The following FRK variants were observed in gnomAD, a reference collection of about 807,000 sequenced individuals.
FRK encodes tyrosine-protein kinase FRK.
In FRK, 51 loss-of-function variants were observed where a neutral mutation model predicts 56.4. That is an observed-to-expected ratio of 0.90 (90% CI 0.72 to 1.14). The LOEUF (loss-of-function observed/expected upper bound fraction) is 1.14, where lower values mean the gene tolerates loss of function less well. Ranked by LOEUF, FRK falls within the 50% of genes most tolerant of loss-of-function variation. FRK has a pLI of 0.00. For synonymous variants in FRK, 245 were observed against 217.9 expected (o/e 1.12, Z -1.10); for missense variants, 570 against 601.4 (o/e 0.95, Z 0.55).
chr6:115,968,420 G>A (rs1170697336), intron 3 of FRK, among the ~76,000 whole-genome samples, 156 bp downstream of exon 3: 1 of 152,126 alleles, frequency 6.6e-6, no homozygotes, highest in African/African-American at 2.4e-5. Context: ...ACAAGCATAC[G>A]TCAGTGTGAG....
chr6:116,020,587 GCCAATATT>G (rs1775840549), intron 1 of FRK, among the ~76,000 whole-genome samples: 1 of 152,102 alleles, frequency 6.6e-6, no homozygotes, highest in Admixed American at 6.6e-5. Context: ...ACTGCACTGG[GCCAATATT>G]CCTTTTCTCA....
chr6:116,079,126 C>G, the FRK span, among the ~76,000 whole-genome samples: 1 of 152,058 alleles, frequency 6.6e-6, no homozygotes, highest in Non-Finnish European at 1.5e-5. Context: ...ATTTCTCTCT[C>G]TAGCGGTGAA....
At chr6:115,955,195 C>T (rs906483212) in intron 5 of FRK, among the ~76,000 whole-genome samples, 1 of 151,530 alleles carries the variant, frequency 6.6e-6, no homozygotes, top group African/African-American at 2.4e-5. Flanking sequence ...TGAAGGAAAT[C>T]CCATAGGTTG....
At chr6:115,958,639 GA>G (rs1554225731) in intron 4 of FRK, among the ~76,000 whole-genome samples, 2 of 4,528 alleles carry the variant, frequency 4.4e-4, no homozygotes, top group Non-Finnish European at 7.1e-4. Flanking sequence ...AAAAAGGAAA[GA>G]AAGAAAAGAA....
intron 1 of FRK, among the ~76,000 whole-genome samples, chr6:116,023,718 A>C (rs1477801855): frequency 6.6e-6 from 1 of 152,124 alleles, no homozygotes; most frequent in Non-Finnish European, 1.5e-5. Context: ...GTGCATAAGG[A>C]GGCGAGGTTT....
chr6:115,985,024 C>T (rs1774339551), intron 2 of FRK, among the ~76,000 whole-genome samples: 1 of 152,104 alleles, frequency 6.6e-6, no homozygotes, highest in South Asian at 2.1e-4. Flanking sequence ...ACTTGAAAGG[C>T]AGCATGGTGG....
intron 2 of FRK, chr6:116,002,792 A>G (rs927168069): frequency 1.6e-5 from 7 of 438,520 alleles, no homozygotes; most frequent in Middle Eastern, 6.6e-4. Context: ...ACCCTCGGCA[A>G]CACCTGCCTC....
chr6:115,986,270 C>T (rs764837444), intron 2 of FRK, among the ~76,000 whole-genome samples: 1 of 152,014 alleles, frequency 6.6e-6, no homozygotes, highest in Admixed American at 6.6e-5. Context: ...TTCTGCTCTC[C>T]GCCATGAGAA....
At chr6:115,970,125 C>T (rs1364495330) in intron 2 of FRK, among the ~76,000 whole-genome samples, 3 of 151,458 alleles carry the variant, frequency 2.0e-5, no homozygotes, top group Admixed American at 1.3e-4. Context: ...ATGCCAATAG[C>T]TAGGAATTTT....
chr6:116,091,548 C>A, the FRK span, among the ~76,000 whole-genome samples: 1 of 152,284 alleles, frequency 6.6e-6, no homozygotes, highest in East Asian at 1.9e-4. Flanking sequence ...CCGGAAGGAA[C>A]CAACTCCAGA....
chr6:116,005,405 T>C (rs1332596179), intron 1 of FRK, among the ~76,000 whole-genome samples: 3 of 152,304 alleles, frequency 2.0e-5, no homozygotes, highest in African/African-American at 7.2e-5. Flanking sequence ...TGAGCCAGGA[T>C]TGGAAAATGT....
chr6:116,099,360 C>G, the FRK span, among the ~76,000 whole-genome samples: 1 of 152,206 alleles, frequency 6.6e-6, no homozygotes, highest in African/African-American at 2.4e-5. Context: ...AGATATTCCC[C>G]AAGGAAACAT....
the FRK span, among the ~76,000 whole-genome samples, chr6:116,096,660 A>C: frequency 2.0e-5 from 3 of 151,914 alleles, no homozygotes; most frequent in African/African-American, 7.3e-5. Context: ...ACCAATCAGC[A>C]CTCTATAAAA....
intron 4 of FRK, among the ~76,000 whole-genome samples, chr6:115,958,261 A>G (rs969512917): frequency 1.6e-5 from 2 of 125,472 alleles, no homozygotes; most frequent in African/African-American, 6.0e-5. Context: ...AATATAATAT[A>G]GTGGGGAATC....
At chr6:116,096,914 G>T in the FRK span, among the ~76,000 whole-genome samples, 1 of 152,194 alleles carries the variant, frequency 6.6e-6, no homozygotes, top group Non-Finnish European at 1.5e-5. Context: ...CTTAAAGTCA[G>T]TGAGACCAAG....
Position 115,931,325 on chromosome 6 carries a change from T to G in FRK, c.*11089A>C, listed in dbSNP as rs558147653. 55 of 152,288 alleles carry G rather than the reference T, an allele frequency of 3.6e-4. No individual in the cohort carries two copies. The highest frequency in any genetic ancestry group is 1.3e-3 in the African/African-American group (54 of 41,564). The allele number at this position is 152,288 out of a possible 1,614,324, so 9.4% of individuals were successfully genotyped here. On this transcript the variant is annotated 3_prime_UTR_variant, in exon 8 of 8. Transcript: ENST00000606080. ...TATAATTTCAAGAAAAACCATTGCC[T>G]TAATATTTTAAAGAATACAGAAATA...
intron 1 of FRK, among the ~76,000 whole-genome samples, chr6:116,011,501 G>T (rs1276695696): frequency 1.3e-5 from 2 of 151,634 alleles, no homozygotes; most frequent in Non-Finnish European, 2.9e-5. Context: ...TCCAGAAAAT[G>T]CAGAAAGGAA....
the FRK span, among the ~76,000 whole-genome samples, chr6:116,072,021 G>A: frequency 7.6e-4 from 116 of 152,286 alleles, no homozygotes; most frequent in Middle Eastern, 3.4e-3. Flanking sequence ...ATTTGCTGTT[G>A]AGGATGTAGT....
chr6:115,958,717 A>G (rs1375741911), intron 4 of FRK, among the ~76,000 whole-genome samples: 5 of 17,572 alleles, frequency 2.8e-4, no homozygotes, highest in South Asian at 9.3e-3. Flanking sequence ...GAAAGAAAGA[A>G]AGAAAGAAAG....
Sources: gnomAD v4.1 joint callset for allele counts (sites outside exome capture counted in the v4.1 genomes callset) on GRCh38, gnomAD v4.1.1 for gene constraint, MANE v1.5 for transcripts, NCBI Gene and HGNC (gene_info 2026-07-23, HGNC 2026-07-21) for gene names.